ATP9B: variants seen among roughly 807,000 people sequenced by gnomAD.
ATP9B encodes the protein probable phospholipid-transporting ATPase IIB.
Under a neutral mutation model 146.1 loss-of-function variants are expected in ATP9B, and 110 were observed. The ratio of observed to expected loss-of-function variants is 0.75; its 90% confidence interval spans 0.65 to 0.88. The LOEUF (loss-of-function observed/expected upper bound fraction) is 0.88. ATP9B is among the 40% of genes least tolerant of loss of function. The pLI is 0.00. For synonymous variants in ATP9B, 604 were observed against 569.7 expected (o/e 1.06, Z -0.86); for missense variants, 1,499 against 1,496.4 (o/e 1.00, Z -0.03).
intron 8 of ATP9B, among the ~76,000 whole-genome samples, chr18:79,189,348 A>G (rs1360555757): frequency 6.6e-6 from 1 of 151,856 alleles, no homozygotes; most frequent in African/African-American, 2.4e-5. Flanking sequence ...CTCCATCAAA[A>G]AAAAAAGATA....
intron 13 of ATP9B, among the ~76,000 whole-genome samples, chr18:79,292,764 T>C (rs916635184): frequency 6.6e-6 from 1 of 152,128 alleles, no homozygotes; most frequent in African/African-American, 2.4e-5. Context: ...TGTTTTGTTT[T>C]GTTTTGTTTT....
At chr18:79,081,022 A>G (rs902848502) in intron 1 of ATP9B, among the ~76,000 whole-genome samples, 1 of 152,218 alleles carries the variant, frequency 6.6e-6, no homozygotes. Flanking sequence ...TCGGTTTGCC[A>G]GTATTTTATT....
rs114321022 is a variant in ATP9B, at chr18:79,332,644, C to T, written c.2028+2540C>T. Among the ~76,000 whole-genome samples, 1,144 of 152,222 alleles carry T rather than the reference C, an allele frequency of 7.5e-3. 18 individuals are homozygous for T. The highest frequency in any genetic ancestry group is 0.026 in the African/African-American group (1,097 of 41,524). ...CGGAGGCAGGAGGGGCAAGCTCACT[C>T]CGCATAAACTTTACTGAAAATAATC... On this transcript the variant is annotated intron_variant, in intron 17 of 29. Coordinates refer to ENST00000426216, the MANE Select transcript of ATP9B (RefSeq NM_198531.5).
intron 1 of ATP9B, among the ~76,000 whole-genome samples, chr18:79,079,253 G>A (rs1318723373): frequency 6.6e-6 from 1 of 152,150 alleles, no homozygotes. Flanking sequence ...TTCCACAATG[G>A]TTGAACTAAC....
At chr18:79,125,962 T>C (rs2094279014) in intron 4 of ATP9B, among the ~76,000 whole-genome samples, 1 of 152,190 alleles carries the variant, frequency 6.6e-6, no homozygotes, top group Admixed American at 6.5e-5. Context: ...AAATATAATT[T>C]GTGGATTTAT....
At chr18:79,314,325 C>A (rs1325313726) in intron 15 of ATP9B, among the ~76,000 whole-genome samples, 2 of 152,218 alleles carry the variant, frequency 1.3e-5, no homozygotes, top group Non-Finnish European at 2.9e-5. Flanking sequence ...GTCGCTGATA[C>A]ACAGTTGCTG....
intron 9 of ATP9B, among the ~76,000 whole-genome samples, chr18:79,206,008 T>G (rs1357280097): frequency 6.6e-6 from 1 of 152,036 alleles, no homozygotes; most frequent in East Asian, 1.9e-4. Flanking sequence ...TGGCGTGATC[T>G]TGGCTCACTG....
chr18:79,375,227 A>C (rs1290096240), intron 28 of ATP9B, among the ~76,000 whole-genome samples, 167 bp from the exon 29 acceptor site: 1 of 152,220 alleles, frequency 6.6e-6, no homozygotes, highest in Admixed American at 6.5e-5. Flanking sequence ...AAACAGTTGT[A>C]TGGTATCAGG....
chr18:79,353,560 G>T (rs778667271), intron 25 of ATP9B: 1 of 152,264 alleles, frequency 6.6e-6, no homozygotes, highest in Non-Finnish European at 1.5e-5. Flanking sequence ...AGACCCACTC[G>T]CAGAGAGCGG....
chr18:79,144,480 A>G (rs1228401321), intron 6 of ATP9B, among the ~76,000 whole-genome samples: 1 of 152,152 alleles, frequency 6.6e-6, no homozygotes, highest in Non-Finnish European at 1.5e-5. Flanking sequence ...TGTGCAACCT[A>G]GGTCCCTTGC....
At chr18:79,099,325 G>A (rs1189029975) in intron 2 of ATP9B, among the ~76,000 whole-genome samples, 3 of 151,986 alleles carry the variant, frequency 2.0e-5, no homozygotes, top group South Asian at 2.1e-4. Context: ...GGGTTCAAGC[G>A]ATTCTCCTTC....
chr18:79,105,678 C>T (rs1184015330), intron 2 of ATP9B, among the ~76,000 whole-genome samples: 1 of 152,136 alleles, frequency 6.6e-6, no homozygotes, highest in Non-Finnish European at 1.5e-5. Flanking sequence ...GTCTTTCTCA[C>T]GAGATTTACA....
At chr18:79,153,009 T>C (rs1392944111) in intron 6 of ATP9B, among the ~76,000 whole-genome samples, 1 of 152,224 alleles carries the variant, frequency 6.6e-6, no homozygotes, top group Non-Finnish European at 1.5e-5. Flanking sequence ...TTTTATAGTT[T>C]TTTATGTAGA....
chr18:79,292,551 T>C (rs1484486652), intron 13 of ATP9B, among the ~76,000 whole-genome samples: 1 of 152,174 alleles, frequency 6.6e-6, no homozygotes, highest in Admixed American at 6.5e-5. Flanking sequence ...CAGCTACCTT[T>C]GCATAAATTG....
chr18:79,263,739 G>A (rs2096170158), intron 12 of ATP9B, among the ~76,000 whole-genome samples: 1 of 152,154 alleles, frequency 6.6e-6, no homozygotes, highest in Admixed American at 6.5e-5. Flanking sequence ...CAGCAGTGCT[G>A]CTATTAACAT....
intron 11 of ATP9B, among the ~76,000 whole-genome samples, chr18:79,243,254 C>T (rs2095906875): frequency 6.6e-6 from 1 of 152,202 alleles, no homozygotes; most frequent in East Asian, 1.9e-4. Context: ...GTGTTTCAGA[C>T]ATTGGTCAGC....
chr18:79,289,953 G>A (rs1191964722), intron 13 of ATP9B, among the ~76,000 whole-genome samples: 5 of 152,196 alleles, frequency 3.3e-5, no homozygotes. Flanking sequence ...GAATGCTGCT[G>A]TCTGATCGTT....
At chr18:79,191,171 C>T (rs2095362868) in intron 8 of ATP9B, among the ~76,000 whole-genome samples, 1 of 152,148 alleles carries the variant, frequency 6.6e-6, no homozygotes, top group African/African-American at 2.4e-5. Context: ...TGTCTTCTGA[C>T]TCCATTATTT....
chr18:79,254,187 G>A (rs2096057174), intron 12 of ATP9B: 1 of 152,262 alleles, frequency 6.6e-6, no homozygotes, highest in Non-Finnish European at 1.5e-5. Context: ...CCTAATGATG[G>A]ATAAAGTATG....
Sources: allele counts gnomAD v4.1 joint callset (sites outside exome capture counted in the v4.1 genomes callset), GRCh38; gene constraint gnomAD v4.1.1; transcripts MANE v1.5; gene names NCBI Gene and HGNC (gene_info 2026-07-23, HGNC 2026-07-21).